Variants in KPNA4 observed in about 807,000 individuals in gnomAD.
KPNA4 encodes karyopherin subunit alpha 4.
A neutral mutation model predicts 71.3 loss-of-function variants in KPNA4; 13 were observed. The ratio of observed to expected loss-of-function variants is 0.18; its 90% CI spans 0.12 to 0.29. The LOEUF is 0.29. KPNA4 is among the 10% of genes least tolerant of loss of function. The pLI, the probability that KPNA4 is intolerant of heterozygous loss-of-function variation, is 1.00. For missense variants in KPNA4, 334 were observed against 603.2 expected (o/e 0.55, Z 4.67); for synonymous variants, 189 against 195.2 (o/e 0.97, Z 0.26).
chr3:160,505,104 C>T, intron 15 of KPNA4, 52 bp from the exon 16 acceptor site: 1 of 939,776 alleles, frequency 1.1e-6, no homozygotes, highest in Non-Finnish European at 1.6e-6. Flanking sequence ...AGAGCAGTGA[C>T]AAGTTAGAAT....
In KPNA4 at chr3:160,507,900, T is replaced by C. The variant is rs572703273; in HGVS notation, c.1372+207A>G. ...CTGTCTTCCCAGTAACTTATCACAG[T>C]GCCTGTTCAATATATGGCAGCAATT... On this transcript the variant is annotated intron_variant, in intron 15 of 16. Transcript: ENST00000334256. 2.5e-4 allele frequency among the ~76,000 whole-genome samples: 38 copies of C among 152,366 alleles called. 1 individual carries two copies. Among genetic ancestry groups the C allele is most frequent in the Admixed American group, 2.3e-3 (35 of 15,304 alleles).
intron 11 of KPNA4, among the ~76,000 whole-genome samples, chr3:160,517,962 G>T (rs962959101): frequency 1.3e-5 from 2 of 152,114 alleles, no homozygotes; most frequent in Non-Finnish European, 2.9e-5. Context: ...ACACAAGTTT[G>T]TAAGTTTTGT....
chr3:160,511,335 G>A (rs1043462581), intron 13 of KPNA4, among the ~76,000 whole-genome samples: 1 of 150,198 alleles, frequency 6.7e-6, no homozygotes. Flanking sequence ...TCGATCTCCT[G>A]ACTTCATGAT....
rs76012242 is a variant in KPNA4, at chr3:160,548,246, A to G, written c.70-11406T>C. The stretch of plus-strand genomic sequence containing the variant: ...TGTTGGTGGTGGTGGTAATATATAC[A>G]TAACAATAAAATTTACTATCTTAAC... On this transcript the variant is annotated intron_variant, in intron 1 of 16. Transcript: ENST00000334256. Among the ~76,000 whole-genome samples the G allele has an allele frequency of 6.7e-3, 1,022 of 152,266 alleles. 45 individuals are homozygous for G. Among genetic ancestry groups the G allele is most frequent in the Admixed American group, 0.055 (835 of 15,284 alleles).
rs530307467 is a variant in KPNA4 at position 160,551,945 on chromosome 3, G to T, written c.69+13269C>A. 5.5e-5 allele frequency among the ~76,000 whole-genome samples: 8 copies of T among 144,188 alleles called. 1 individual carries two copies. The highest frequency in any genetic ancestry group is 7.7e-5 in the Non-Finnish European group (5 of 64,518). The allele number at this position is 144,188 out of a possible 152,430, so 94.6% of individuals were successfully genotyped here. A position where few individuals can be genotyped will look rare whatever the true frequency, so the allele number is the denominator to read the frequency against. ...TGTTCTTGGTTGTCACAACTGGGGG[G>T]GGGGGGGTGATGTGCTACTGACATC... On this transcript the variant is annotated intron_variant, in intron 1 of 16. Coordinates refer to ENST00000334256, the MANE Select transcript of KPNA4 (RefSeq NM_002268.5).
chr3:160,501,959 C>T lies in KPNA4; in HGVS notation c.*145G>A, dbSNP rs1428939853. On this transcript the variant is annotated 3_prime_UTR_variant, in exon 17 of 17. Coordinates refer to ENST00000334256, the MANE Select transcript of KPNA4 (RefSeq NM_002268.5). ...AATGAAATCTTCACATTTTCTTTCC[C>T]GATTTAATGCAGCAGCAGATCCCAT... 2 of 279,598 alleles carry T rather than the reference C, an allele frequency of 7.2e-6. No homozygotes were observed. Among genetic ancestry groups the T allele is most frequent in the Non-Finnish European group, 1.4e-5 (2 of 146,736 alleles). 17.3% of individuals were successfully genotyped at this position (279,598 alleles called of 1,614,324 possible).
chr3:160,513,249 G>GTTTT lies in KPNA4; in HGVS notation c.1137+824_1137+827dup, dbSNP rs946090860. ...CTGTGATTGTTTCTTCTACTTTGTG[G>GTTTT]TTTTTTTTTTTTTTTTTTTTTTTTG... On this transcript the variant is annotated intron_variant, in intron 13 of 16. Coordinates refer to ENST00000334256, the MANE Select transcript of KPNA4 (RefSeq NM_002268.5). 6.0e-3 allele frequency among the ~76,000 whole-genome samples: 486 copies of GTTTT among 80,626 alleles called. 11 individuals are homozygous for GTTTT. Among genetic ancestry groups the GTTTT allele is most frequent in the Non-Finnish European group, 7.9e-3 (341 of 43,142 alleles). The allele number at this position is 80,626 out of a possible 152,430, so 52.9% of individuals were successfully genotyped here. A position where few individuals can be genotyped will look rare whatever the true frequency, so the allele number is the denominator to read the frequency against.
intron 5 of KPNA4, among the ~76,000 whole-genome samples, chr3:160,533,529 T>G (rs889224599): frequency 6.6e-6 from 1 of 152,036 alleles, no homozygotes. Context: ...GGGTCAAAAT[T>G]TAATTTAAAA....
At chr3:160,512,504 T>C (rs1348487383) in intron 13 of KPNA4, among the ~76,000 whole-genome samples, 3 of 152,120 alleles carry the variant, frequency 2.0e-5, no homozygotes, top group African/African-American at 4.8e-5. Context: ...GGACAAAGAA[T>C]CAAACATTTA....
intron 10 of KPNA4, 79 bp downstream of exon 10, chr3:160,525,721 T>C: frequency 1.2e-6 from 1 of 844,336 alleles, no homozygotes; most frequent in Non-Finnish European, 1.7e-6. Flanking sequence ...TAGTATAATA[T>C]TTCTCCCCTA....
At chr3:160,512,585 C>T (rs1015289039) in intron 13 of KPNA4, among the ~76,000 whole-genome samples, 1 of 152,122 alleles carries the variant, frequency 6.6e-6, no homozygotes, top group East Asian at 1.9e-4. Context: ...ATGCTCTTGG[C>T]CGGGCATGGA....
At chr3:160,519,069 CA>C (rs1294307164) in intron 11 of KPNA4, among the ~76,000 whole-genome samples, 2 of 149,040 alleles carry the variant, frequency 1.3e-5, no homozygotes, top group African/African-American at 4.8e-5. Flanking sequence ...CTTATATTTC[CA>C]TATGGATTTT....
chr3:160,518,591 G>A (rs1415208950), intron 11 of KPNA4, among the ~76,000 whole-genome samples: 1 of 151,032 alleles, frequency 6.6e-6, no homozygotes, highest in African/African-American at 2.4e-5. Context: ...CGGGCGCGGT[G>A]GCTCACGCCT....
chr3:160,565,125 C>G, intron 1 of KPNA4, 89 bp downstream of exon 1: 1 of 1,124,566 alleles, frequency 8.9e-7, no homozygotes, highest in Admixed American at 2.0e-5. Context: ...GGAGGCGGCT[C>G]CCGCCCCTAA....
intron 1 of KPNA4, among the ~76,000 whole-genome samples, chr3:160,545,969 T>TG (rs1480414271): frequency 1.3e-5 from 2 of 152,118 alleles, no homozygotes; most frequent in African/African-American, 4.8e-5. Flanking sequence ...CAGCAAGTTT[T>TG]GGGGGGTAAT....
chr3:160,532,182 C>T (rs1721588940), intron 5 of KPNA4, among the ~76,000 whole-genome samples: 1 of 152,294 alleles, frequency 6.6e-6, no homozygotes, highest in Non-Finnish European at 1.5e-5. Flanking sequence ...TTAAAAAATA[C>T]ATGTTACTTT....
At chr3:160,524,176 A>G (rs574764759) in intron 10 of KPNA4, among the ~76,000 whole-genome samples, 11 of 152,210 alleles carry the variant, frequency 7.2e-5, no homozygotes, top group Non-Finnish European at 1.6e-4. Flanking sequence ...AAATTCTTCA[A>G]GATACATCAA....
chr3:160,544,933 T>C (rs1044352277), intron 1 of KPNA4, among the ~76,000 whole-genome samples: 2 of 152,062 alleles, frequency 1.3e-5, no homozygotes, highest in African/African-American at 4.8e-5. Flanking sequence ...TTTAAGCAAA[T>C]AGTATTATAG....
At chr3:160,503,656 A>C (rs1720924385) in intron 16 of KPNA4, among the ~76,000 whole-genome samples, 1 of 152,210 alleles carries the variant, frequency 6.6e-6, no homozygotes, top group African/African-American at 2.4e-5. Flanking sequence ...TATTCTTTTC[A>C]CAATCTAAGT....
Sources: gnomAD v4.1 joint callset for allele counts (sites outside exome capture counted in the v4.1 genomes callset) on GRCh38, gnomAD v4.1.1 for gene constraint, MANE v1.5 for transcripts, NCBI Gene and HGNC (gene_info 2026-07-23, HGNC 2026-07-21) for gene names.